Variants in CRLF2 observed in about 807,000 individuals in gnomAD.
The protein encoded by CRLF2 is cytokine receptor-like factor 2.
A neutral mutation model predicts 38.7 loss-of-function variants in CRLF2; 41 were observed. That is an observed-to-expected ratio of 1.06 (90% CI 0.83 to 1.37). The LOEUF (loss-of-function observed/expected upper bound fraction) is 1.37, where lower values mean the gene tolerates loss of function less well. Ranked by LOEUF, CRLF2 falls within the 40% of genes most tolerant of loss-of-function variation. The probability of loss-of-function intolerance (pLI) is 0.00; values close to 1 mark genes in which losing one functional copy is unlikely to be tolerated. For missense variants in CRLF2, 377 were observed against 322.2 expected, an observed-to-expected ratio of 1.17 and a Z score of -1.30; for synonymous variants, 140 against 128.8, an observed-to-expected ratio of 1.09 and a Z score of -0.59.
At chrX:1,196,686 A>G (rs2086481386) in intron 6 of CRLF2, 94 bp downstream of exon 6, 2 of 1,475,086 alleles carry the variant, frequency 1.4e-6, no homozygotes, top group Non-Finnish European at 1.8e-6. Flanking sequence ...AGGCCCAGGG[A>G]AATGACTCTA....
chrX:1,194,821 C>G (rs1438132935), intron 6 of CRLF2, among the ~76,000 whole-genome samples: 2 of 152,028 alleles, frequency 1.3e-5, no homozygotes, highest in Admixed American at 6.6e-5. Context: ...CTCCTGAGGT[C>G]AGGAGTTCGA....
At chrX:1,193,825 G>C (rs2086435796) in intron 6 of CRLF2, among the ~76,000 whole-genome samples, 1 of 150,652 alleles carries the variant, frequency 6.6e-6, no homozygotes, top group Non-Finnish European at 1.5e-5. Context: ...GCCAGGTGTG[G>C]TGGCGGATGC....
chrX:1,209,294 T>TTGTAGTGTAGTGTATTGTAG (rs1556425196), intron 1 of CRLF2, among the ~76,000 whole-genome samples: 12 of 142,524 alleles, frequency 8.4e-5, no homozygotes, highest in African/African-American at 2.9e-4. Context: ...TTGCATTGTA[T>TTGTAGTGTAGTGTATTGTAG]TGTAGTGTAG....
In CRLF2 at chrX:1,198,561, C is replaced by T. The variant is rs2147833004; in HGVS notation, c.646+1G>A. On this transcript the variant is annotated splice_donor_variant, in intron 5 of 7. Coordinates refer to ENST00000400841, the MANE Select transcript of CRLF2 (RefSeq NM_022148.4). LOFTEE classifies it high-confidence loss of function. ...GGACACTGCCGCGTAACAAGCATTA[C>T]CCCGAATCTCGCCTCTCTGCCAGCA... 6.2e-7 allele frequency: 1 copy of T among 1,613,614 alleles called. No individual in the cohort carries two copies. The highest frequency in any genetic ancestry group is 8.5e-7 in the Non-Finnish European group (1 of 1,179,664).
chrX:1,210,154 C>G (rs1186169268), intron 1 of CRLF2, among the ~76,000 whole-genome samples: 4 of 130,308 alleles, frequency 3.1e-5, no homozygotes, highest in Non-Finnish European at 5.1e-5. Flanking sequence ...AAGAAATGGG[C>G]CAACCGTAAA....
At chrX:1,201,217 G>A (rs9724482) in intron 4 of CRLF2, among the ~76,000 whole-genome samples, 77,316 of 151,580 alleles carry the variant, frequency 0.51, 20,132 homozygotes, top group East Asian at 0.68. Context: ...GACTACCGTG[G>A]TACATGCAGT....
In CRLF2 at chrX:1,198,736, TACACACACACAC is replaced by T. The variant is rs371174830; in HGVS notation, c.484-24_484-13del. The T allele has an allele frequency of 4.0e-4, 332 of 828,314 alleles. 8 individuals are homozygous for T. Among genetic ancestry groups the T allele is most frequent in the East Asian group, 7.3e-4 (24 of 32,830 alleles). 51.3% of individuals were successfully genotyped at this position (828,314 alleles called of 1,614,324 possible). ...TTTTCCTGTTTGGACTGGAGAAACA[TACACACACACAC>T]ACACACACACACACACACACACACA... is the stretch of plus-strand genomic sequence containing the variant. On this transcript the variant is annotated splice_polypyrimidine_tract_variant and intron_variant, in intron 4 of 7. Transcript: ENST00000400841.
At chrX:1,202,273 A>T (rs1198231417) in intron 4 of CRLF2, 129 bp downstream of exon 4, 2 of 1,092,766 alleles carry the variant, frequency 1.8e-6, no homozygotes, top group Non-Finnish European at 2.6e-6. Flanking sequence ...TCTCAGGAAG[A>T]TACAGCAGAG....
chrX:1,209,507 AC>A (rs2147854989), intron 1 of CRLF2, among the ~76,000 whole-genome samples: 1 of 149,456 alleles, frequency 6.7e-6, no homozygotes, highest in South Asian at 2.1e-4. Flanking sequence ...AATTTTTTGT[AC>A]TTTTAGTAGA....
intron 3 of CRLF2, 89 bp downstream of exon 3, chrX:1,206,344 C>A (rs2086690540): frequency 3.5e-6 from 4 of 1,153,014 alleles, no homozygotes; most frequent in Non-Finnish European, 5.2e-6. Context: ...ATGGATCCGG[C>A]GATTTGCATG....
At chrX:1,199,981 A>AT (rs1431245829) in intron 4 of CRLF2, among the ~76,000 whole-genome samples, 1 of 151,340 alleles carries the variant, frequency 6.6e-6, no homozygotes, top group African/African-American at 2.4e-5. Context: ...AGGTGTGTAT[A>AT]TACGTGTGTA....
chrX:1,196,718 G>T, intron 6 of CRLF2, 62 bp downstream of exon 6: 1 of 1,574,896 alleles, frequency 6.3e-7, no homozygotes, highest in Non-Finnish European at 8.6e-7. Flanking sequence ...ATCTTTTTTC[G>T]TACTTCACAG....
chrX:1,202,218 G>A (rs2086620616), intron 4 of CRLF2, among the ~76,000 whole-genome samples, 184 bp downstream of exon 4: 1 of 152,076 alleles, frequency 6.6e-6, no homozygotes, highest in African/African-American at 2.4e-5. Context: ...AGACCCCTCA[G>A]AGACACAGAG....
intron 3 of CRLF2, among the ~76,000 whole-genome samples, chrX:1,204,602 C>T (rs1211723713): frequency 6.7e-6 from 1 of 148,662 alleles, no homozygotes; most frequent in Non-Finnish European, 1.5e-5. Flanking sequence ...CTCACTGCAG[C>T]CTCCGCCTCC....
intron 4 of CRLF2, among the ~76,000 whole-genome samples, chrX:1,199,652 G>A (rs2086564794): frequency 6.6e-6 from 1 of 151,840 alleles, no homozygotes; most frequent in Non-Finnish European, 1.5e-5. Flanking sequence ...ACAGATGAAT[G>A]TTCTATTCTA....
chrX:1,206,328 G>T, intron 3 of CRLF2, 105 bp downstream of exon 3: 1 of 986,742 alleles, frequency 1.0e-6, no homozygotes, highest in Non-Finnish European at 1.6e-6. Context: ...ATAGTTAACG[G>T]TAATCATGGA....
intron 4 of CRLF2, among the ~76,000 whole-genome samples, chrX:1,199,303 A>G (rs2086559375): frequency 6.6e-6 from 1 of 151,340 alleles, no homozygotes; most frequent in Admixed American, 6.6e-5. Context: ...TTATTTTAAT[A>G]TATTATTTAT....
intron 1 of CRLF2, among the ~76,000 whole-genome samples, chrX:1,209,294 T>TTGTAGTGTAG (rs774118469): frequency 0.11 from 15,182 of 142,420 alleles, 1,009 homozygotes; most frequent in Admixed American, 0.16. Context: ...TTGCATTGTA[T>TTGTAGTGTAG]TGTAGTGTAG....
intron 1 of CRLF2, among the ~76,000 whole-genome samples, chrX:1,210,128 AAAGAAAAG>A (rs1569473709): frequency 2.4e-5 from 2 of 82,162 alleles, no homozygotes; most frequent in African/African-American, 7.5e-5. Context: ...AAAGAAAAGA[AAAGAAAAG>A]AAAAGAAAAG....
Sources: gnomAD v4.1 joint callset for allele counts (sites outside exome capture counted in the v4.1 genomes callset) on GRCh38, gnomAD v4.1.1 for gene constraint, MANE v1.5 for transcripts, NCBI Gene and HGNC (gene_info 2026-07-23, HGNC 2026-07-21) for gene names.